Variants in EFNA5 observed in about 807,000 individuals in gnomAD.
EFNA5 encodes ephrin-A5.
In EFNA5, 5 loss-of-function variants were observed where a neutral mutation model predicts 22.9. That is an observed-to-expected ratio of 0.22 (90% confidence interval 0.11 to 0.46). EFNA5 has a LOEUF of 0.46. EFNA5 is among the 20% of genes least tolerant of loss of function. The pLI is 0.99. For synonymous variants in EFNA5, 113 were observed against 112.2 expected (o/e 1.01, Z -0.04); for missense variants, 237 against 293.3 (o/e 0.81, Z 1.40).
chr5:107,615,830 AG>A (rs1308989906), intron 1 of EFNA5, among the ~76,000 whole-genome samples: 2 of 152,184 alleles, frequency 1.3e-5, no homozygotes, highest in African/African-American at 4.8e-5. Flanking sequence ...TTACAGCAAA[AG>A]CTGTATTTTA....
intron 1 of EFNA5, among the ~76,000 whole-genome samples, chr5:107,604,289 C>T (rs945019536): frequency 1.3e-5 from 2 of 152,106 alleles, no homozygotes; most frequent in Non-Finnish European, 2.9e-5. Flanking sequence ...AAGCAATCGT[C>T]CTGCCTCAGC....
intron 1 of EFNA5, among the ~76,000 whole-genome samples, chr5:107,528,206 A>G (rs1747736934): frequency 6.6e-6 from 1 of 152,184 alleles, no homozygotes; most frequent in African/African-American, 2.4e-5. Flanking sequence ...ACTGACTGTG[A>G]TAACAAGAAA....
chr5:107,574,679 A>G (rs748577567), intron 1 of EFNA5, among the ~76,000 whole-genome samples: 11 of 152,198 alleles, frequency 7.2e-5, no homozygotes, highest in South Asian at 2.1e-4. Context: ...TTGAAGCTAT[A>G]TGGAAGGGGG....
chr5:107,540,653 T>C (rs1748023761), intron 1 of EFNA5, among the ~76,000 whole-genome samples: 1 of 152,354 alleles, frequency 6.6e-6, no homozygotes, highest in East Asian at 1.9e-4. Flanking sequence ...TCAGATGCTT[T>C]AGGAGTAAAA....
At chr5:107,435,145 T>C (rs966064589) in intron 1 of EFNA5, among the ~76,000 whole-genome samples, 6 of 152,204 alleles carry the variant, frequency 3.9e-5, no homozygotes, top group Non-Finnish European at 7.3e-5. Context: ...CAAAAGGGGC[T>C]AATGGGTCCT....
chr5:107,659,498 T>G (rs58637804), intron 1 of EFNA5, among the ~76,000 whole-genome samples: 1 of 107,524 alleles, frequency 9.3e-6, no homozygotes, highest in Non-Finnish European at 2.3e-5. Context: ...GGGTTTTCCT[T>G]TTTTTTTTTT....
intron 1 of EFNA5, among the ~76,000 whole-genome samples, chr5:107,603,149 G>A (rs2112513930): frequency 6.6e-6 from 1 of 152,302 alleles, no homozygotes; most frequent in South Asian, 2.1e-4. Flanking sequence ...CTGTTTCATT[G>A]TTTAAAGGAT....
chr5:107,658,221 G>A (rs992171743), intron 1 of EFNA5, among the ~76,000 whole-genome samples: 2 of 152,160 alleles, frequency 1.3e-5, no homozygotes, highest in African/African-American at 4.8e-5. Context: ...TAACCATACG[G>A]ATTTAAGTTG....
At chr5:107,609,972 T>C (rs964329866) in intron 1 of EFNA5, among the ~76,000 whole-genome samples, 7 of 152,164 alleles carry the variant, frequency 4.6e-5, no homozygotes, top group Non-Finnish European at 8.8e-5. Context: ...ACCTCTCATT[T>C]AAGAATGAGA....
At chr5:107,511,224 C>T (rs925938656) in intron 1 of EFNA5, among the ~76,000 whole-genome samples, 1 of 152,100 alleles carries the variant, frequency 6.6e-6, no homozygotes, top group African/African-American at 2.4e-5. Context: ...CAGGGTTTCA[C>T]CATGTTGGTC....
chr5:107,469,659 AT>A (rs1288986210), intron 1 of EFNA5, among the ~76,000 whole-genome samples: 2,074 of 143,944 alleles, frequency 0.014, 43 homozygotes, highest in African/African-American at 0.047. Context: ...CCCCCCCTTT[AT>A]TTTTTTTTTT....
At chr5:107,524,101 A>C (rs114647174) in intron 1 of EFNA5, among the ~76,000 whole-genome samples, 2,181 of 152,328 alleles carry the variant, frequency 0.014, 52 homozygotes, top group African/African-American at 0.049. Context: ...GTCAACCAAA[A>C]TGATACTATT....
chr5:107,436,196 A>G (rs1749105634), intron 1 of EFNA5, among the ~76,000 whole-genome samples: 1 of 152,216 alleles, frequency 6.6e-6, no homozygotes, highest in African/African-American at 2.4e-5. Flanking sequence ...AGGCCCACAT[A>G]ATGTTCTCTC....
In EFNA5 at chr5:107,660,306, A is replaced by C. The variant is rs1282701999; in HGVS notation, c.125+10183T>G. Among the ~76,000 whole-genome samples, 9 of 96,810 alleles carry C rather than the reference A, an allele frequency of 9.3e-5. No individual in the cohort carries two copies. In the South Asian group the frequency reaches 1.3e-3, roughly 14 times the overall value. 63.5% of individuals were successfully genotyped at this position (96,810 alleles called of 152,430 possible). On this transcript the variant is annotated intron_variant, in intron 1 of 4. Coordinates refer to ENST00000333274, the MANE Select transcript of EFNA5 (RefSeq NM_001962.3). ...TATATATATATATATATATATATATATATATATATTTGGCAAGTGGGGGAG... is the reference window on the plus strand; with the variant it reads ...TATATATATATATATATATATATATCTATATATATTTGGCAAGTGGGGGAG...
intron 1 of EFNA5, among the ~76,000 whole-genome samples, chr5:107,467,777 G>A (rs1750030721): frequency 6.6e-6 from 1 of 152,172 alleles, no homozygotes; most frequent in Non-Finnish European, 1.5e-5. Flanking sequence ...GCATGGAAAT[G>A]TTACCACGCT....
chr5:107,384,767 C>T (rs938708569), intron 4 of EFNA5, among the ~76,000 whole-genome samples: 1 of 108,744 alleles, frequency 9.2e-6, no homozygotes, highest in African/African-American at 3.7e-5. Flanking sequence ...ACACACACCA[C>T]ATTTTTTTTT....
intron 1 of EFNA5, among the ~76,000 whole-genome samples, chr5:107,447,863 T>C (rs1449533432): frequency 1.3e-5 from 2 of 151,812 alleles, no homozygotes; most frequent in Admixed American, 1.3e-4. Context: ...ATTTCCCCCC[T>C]CTGAGATGGA....
intron 1 of EFNA5, among the ~76,000 whole-genome samples, chr5:107,515,558 C>T (rs1006229212): frequency 4.6e-5 from 7 of 151,252 alleles, no homozygotes; most frequent in East Asian, 3.9e-4. Context: ...TTGTGTTTTT[C>T]GTAGAGACAG....
intron 1 of EFNA5, among the ~76,000 whole-genome samples, chr5:107,616,047 CTA>C (rs1354634889): frequency 6.6e-6 from 1 of 152,112 alleles, no homozygotes; most frequent in Non-Finnish European, 1.5e-5. Context: ...GACAGAAAAA[CTA>C]TGTTTGGATT....
Sources: allele counts gnomAD v4.1 joint callset (sites outside exome capture counted in the v4.1 genomes callset), GRCh38; gene constraint gnomAD v4.1.1; transcripts MANE v1.5; gene names NCBI Gene and HGNC (gene_info 2026-07-23, HGNC 2026-07-21).